The following NAALADL2 variants were observed in gnomAD, a reference collection of about 807,000 sequenced individuals.
NAALADL2 encodes the protein N-acetylated alpha-linked acidic dipeptidase like 2.
NAALADL2 carries 76 observed loss-of-function variants against 87.2 expected under a neutral mutation model. That is an observed-to-expected ratio of 0.87 (90% CI 0.72 to 1.05). The LOEUF is 1.05. NAALADL2 is among the 50% of genes least tolerant of loss of function. The pLI, the probability that NAALADL2 is intolerant of heterozygous loss-of-function variation, is 0.00. For missense variants in NAALADL2, 1,089 were observed against 945.8 expected (o/e 1.15, Z -1.99); for synonymous variants, 354 against 331.0 (o/e 1.07, Z -0.75).
intron 9 of NAALADL2, among the ~76,000 whole-genome samples, chr3:175,546,973 C>A (rs114303368): frequency 9.8e-4 from 149 of 152,180 alleles, no homozygotes; most frequent in African/African-American, 3.2e-3. Flanking sequence ...GAGTCAATAT[C>A]ATTAAAATGG....
intron 9 of NAALADL2, among the ~76,000 whole-genome samples, chr3:175,486,787 G>A (rs1303646444): frequency 6.6e-6 from 1 of 151,988 alleles, no homozygotes; most frequent in Non-Finnish European, 1.5e-5. Context: ...TCACTCAGTT[G>A]TTTAGGACAA....
At chr3:174,676,948 T>C (rs1727095819) in intron 2 of NAALADL2, among the ~76,000 whole-genome samples, 1 of 151,980 alleles carries the variant, frequency 6.6e-6, no homozygotes, top group African/African-American at 2.4e-5. Flanking sequence ...GTATATATAA[T>C]TATATTCATT....
intron 11 of NAALADL2, among the ~76,000 whole-genome samples, chr3:175,718,008 T>C (rs1288612366): frequency 6.6e-6 from 1 of 151,532 alleles, no homozygotes; most frequent in African/African-American, 2.4e-5. Flanking sequence ...GTTGTTGTTA[T>C]AGCACAACTT....
rs1325069519 is a variant in NAALADL2, at chr3:175,257,236, ACT to A, written c.939+711_939+712del. ...AAATTAGTGTAGTTATGTCAGCAAA[ACT>A]CTCTGCTTCTGAAGATATATTGGAT... On this transcript the variant is annotated intron_variant, in intron 4 of 13. Transcript: ENST00000454872. 4 of 151,252 alleles carry A rather than the reference ACT, an allele frequency of 2.6e-5. No individual in the cohort carries two copies. The South Asian group carries it at 6.3e-4, about 24-fold the overall frequency. The allele number at this position is 151,252 out of a possible 1,614,324, so 9.4% of individuals were successfully genotyped here.
chr3:175,070,588 T>C (rs780702600), intron 1 of NAALADL2, among the ~76,000 whole-genome samples: 15 of 152,076 alleles, frequency 9.9e-5, no homozygotes, highest in Admixed American at 2.6e-4. Flanking sequence ...CCTAAGGTGT[T>C]TGAATGAGTC....
At chr3:175,095,503 AG>A (rs1720992474) in intron 1 of NAALADL2, among the ~76,000 whole-genome samples, 1 of 152,070 alleles carries the variant, frequency 6.6e-6, no homozygotes, top group Non-Finnish European at 1.5e-5. Context: ...TGAAAATTCT[AG>A]TCAGAATTAC....
chr3:175,711,830 A>C (rs1470708869), intron 11 of NAALADL2, among the ~76,000 whole-genome samples: 1 of 137,808 alleles, frequency 7.3e-6, no homozygotes, highest in South Asian at 2.1e-4. Context: ...CAAAGCTTTC[A>C]GTTTTTAAAA....
intron 3 of NAALADL2, among the ~76,000 whole-genome samples, chr3:174,772,449 A>G (rs1211147239): frequency 1.3e-5 from 2 of 152,206 alleles, no homozygotes; most frequent in African/African-American, 4.8e-5. Flanking sequence ...TGTTTTCCTT[A>G]AAGAATGAAT....
intron 2 of NAALADL2, among the ~76,000 whole-genome samples, chr3:175,127,311 T>G (rs1727117358): frequency 1.3e-5 from 2 of 152,150 alleles, no homozygotes; most frequent in Non-Finnish European, 2.9e-5. Context: ...TGATTAGAAT[T>G]GCTTTGGGAA....
Position 174,887,325 on chromosome 3 carries a change from T to C in NAALADL2, c.43+27875T>C, listed in dbSNP as rs574318029. On this transcript the variant is annotated intron_variant, in intron 1 of 13. Transcript: ENST00000454872. ...CATACTTGCTTGCTTCTTGAACATATATAATAATTGATATATAAAGAGATT... is the reference window on the plus strand; with the variant it reads ...CATACTTGCTTGCTTCTTGAACATACATAATAATTGATATATAAAGAGATT... Among the ~76,000 whole-genome samples the C allele has an allele frequency of 6.6e-4, 101 of 152,330 alleles. 1 individual carries two copies. The highest frequency in any genetic ancestry group is 2.3e-3 in the African/African-American group (96 of 41,578).
intron 2 of NAALADL2, among the ~76,000 whole-genome samples, chr3:174,703,351 T>C (rs1175458206): frequency 1.4e-5 from 2 of 145,980 alleles, no homozygotes; most frequent in African/African-American, 5.1e-5. Flanking sequence ...TTATCTAGAG[T>C]GATAATTGTT....
chr3:175,234,243 G>A, intron 3 of NAALADL2, 39 bp downstream of exon 3: 1 of 1,581,396 alleles, frequency 6.3e-7, no homozygotes, highest in East Asian at 2.2e-5. Flanking sequence ...ACAGTGAGAT[G>A]GAATTAGAAA....
chr3:175,766,931 A>T (rs544665171), intron 13 of NAALADL2, among the ~76,000 whole-genome samples: 2 of 152,208 alleles, frequency 1.3e-5, no homozygotes, highest in Non-Finnish European at 2.9e-5. Context: ...ATACGGAGCA[A>T]GTATAGCATA....
At chr3:174,694,239 A>C (rs902213384) in intron 2 of NAALADL2, among the ~76,000 whole-genome samples, 3 of 152,098 alleles carry the variant, frequency 2.0e-5, no homozygotes, top group Non-Finnish European at 4.4e-5. Context: ...AGAGAGAATA[A>C]AATTGGCTGA....
At chr3:174,810,924 G>C (rs1445222866) in intron 3 of NAALADL2, among the ~76,000 whole-genome samples, 1 of 152,146 alleles carries the variant, frequency 6.6e-6, no homozygotes, top group African/African-American at 2.4e-5. Flanking sequence ...TGCAGCCTTA[G>C]GCCACTGCTC....
At chr3:174,794,987 T>A (rs920497485) in intron 3 of NAALADL2, among the ~76,000 whole-genome samples, 1 of 128,196 alleles carries the variant, frequency 7.8e-6, no homozygotes, top group Admixed American at 8.1e-5. Context: ...CCAGCTTTTT[T>A]TTTTTTTTTT....
chr3:174,810,012 A>T (rs1020016102), intron 3 of NAALADL2, among the ~76,000 whole-genome samples: 9 of 152,144 alleles, frequency 5.9e-5, no homozygotes, highest in Non-Finnish European at 1.2e-4. Flanking sequence ...TTTGCCTTCC[A>T]TCATGAGTAA....
intron 10 of NAALADL2, among the ~76,000 whole-genome samples, chr3:175,604,494 C>T (rs897045031): frequency 3.3e-5 from 5 of 151,618 alleles, no homozygotes; most frequent in East Asian, 3.9e-4. Flanking sequence ...TTAGTAGAGA[C>T]GGGGTTTCAC....
intron 10 of NAALADL2, among the ~76,000 whole-genome samples, chr3:175,613,813 A>G (rs921829357): frequency 3.9e-5 from 6 of 152,322 alleles, no homozygotes; most frequent in African/African-American, 9.6e-5. Context: ...TTGAGCTACT[A>G]TTACAATGTA....
Sources: allele counts gnomAD v4.1 joint callset (sites outside exome capture counted in the v4.1 genomes callset), GRCh38; gene constraint gnomAD v4.1.1; transcripts MANE v1.5; gene names NCBI Gene and HGNC (gene_info 2026-07-23, HGNC 2026-07-21).